LDB2: variants seen among roughly 807,000 people sequenced by gnomAD.
LDB2 encodes the protein LIM domain binding 2, also known as LIM domain-binding protein 2.
LDB2 carries 12 observed loss-of-function variants against 44.3 expected under a neutral mutation model. That is an observed-to-expected ratio of 0.27 (90% CI 0.17 to 0.44). The LOEUF (loss-of-function observed/expected upper bound fraction) is 0.44. Ranked by LOEUF, LDB2 falls within the 20% of genes least tolerant of loss-of-function variation. The pLI, the probability that LDB2 is intolerant of heterozygous loss-of-function variation, is 1.00. For synonymous variants in LDB2, 164 were observed against 174.8 expected, an observed-to-expected ratio of 0.94 and a Z score of 0.49; for missense variants, 344 against 473.5, an observed-to-expected ratio of 0.73 and a Z score of 2.54.
At chr4:16,553,993 T>C (rs190737425) in intron 5 of LDB2, among the ~76,000 whole-genome samples, 3 of 151,858 alleles carry the variant, frequency 2.0e-5, no homozygotes, top group African/African-American at 4.8e-5. Context: ...ATCCATCCTC[T>C]AGATCTCTCT....
chr4:16,716,203 A>G (rs935258805), intron 2 of LDB2, among the ~76,000 whole-genome samples: 1 of 152,190 alleles, frequency 6.6e-6, no homozygotes, highest in African/African-American at 2.4e-5. Flanking sequence ...TTAAGCTTTC[A>G]AAGAGGAATA....
At chr4:16,610,076 G>A (rs1049842320) in intron 2 of LDB2, among the ~76,000 whole-genome samples, 4 of 151,954 alleles carry the variant, frequency 2.6e-5, no homozygotes, top group African/African-American at 7.2e-5. Flanking sequence ...AATATGGCCT[G>A]AAGTGAACCT....
rs147803205 is a variant in LDB2 at position 16,833,064 on chromosome 4, A to T, written c.132+65290T>A. 2.0e-3 allele frequency among the ~76,000 whole-genome samples: 305 copies of T among 152,352 alleles called. 5 individuals carry two copies. In the East Asian group the frequency reaches 0.035, roughly 17 times the overall value. On this transcript the variant is annotated intron_variant, in intron 1 of 7. Coordinates refer to ENST00000304523, the MANE Select transcript of LDB2 (RefSeq NM_001290.5). ...ATGCTCCACTGTTGGACAAAAATAA[A>T]TATTTATTCACTTAAAAAACACACT...
chr4:16,796,240 G>A (rs1479344919), intron 1 of LDB2, among the ~76,000 whole-genome samples: 2 of 152,080 alleles, frequency 1.3e-5, no homozygotes, highest in African/African-American at 4.8e-5. Flanking sequence ...AGCCAAGATC[G>A]TGCCCCTGCA....
chr4:16,676,146 G>T (rs1037877192), intron 2 of LDB2, among the ~76,000 whole-genome samples: 3 of 152,198 alleles, frequency 2.0e-5, no homozygotes, highest in African/African-American at 7.2e-5. Flanking sequence ...TGGAGGAGAG[G>T]TTGTGTGTGT....
At chr4:16,590,481 ACAC>A (rs1428636537) in intron 3 of LDB2, among the ~76,000 whole-genome samples, 7 of 152,204 alleles carry the variant, frequency 4.6e-5, no homozygotes, top group Non-Finnish European at 8.8e-5. Flanking sequence ...GTAACACAAA[ACAC>A]CACCACTTAC....
intron 5 of LDB2, among the ~76,000 whole-genome samples, chr4:16,527,963 T>C (rs1383353448): frequency 6.6e-6 from 1 of 150,442 alleles, no homozygotes; most frequent in East Asian, 1.9e-4. Flanking sequence ...GGAGGAAAAG[T>C]GAAAAAAAAG....
chr4:16,644,894 C>G (rs1409244628), intron 2 of LDB2, among the ~76,000 whole-genome samples: 1 of 152,178 alleles, frequency 6.6e-6, no homozygotes, highest in Non-Finnish European at 1.5e-5. Flanking sequence ...TTTCCCTCTT[C>G]CACTCTCATC....
chr4:16,654,115 A>C (rs563923610), intron 2 of LDB2, among the ~76,000 whole-genome samples: 1 of 152,358 alleles, frequency 6.6e-6, no homozygotes, highest in East Asian at 1.9e-4. Context: ...ATATCGGTGC[A>C]AAGGACTTGC....
intron 6 of LDB2, among the ~76,000 whole-genome samples, chr4:16,509,941 C>A (rs1195339715): frequency 3.9e-5 from 6 of 152,082 alleles, no homozygotes. Context: ...CATGGTGAAC[C>A]CCATCTGTAC....
At chr4:16,682,791 C>T (rs1160510464) in intron 2 of LDB2, among the ~76,000 whole-genome samples, 1 of 152,212 alleles carries the variant, frequency 6.6e-6, no homozygotes, top group East Asian at 1.9e-4. Flanking sequence ...CCAAAGGTAA[C>T]ATTTCAGACT....
chr4:16,898,324 C>A, intron 1 of LDB2, 30 bp downstream of exon 1: 1 of 1,602,012 alleles, frequency 6.2e-7, no homozygotes, highest in Non-Finnish European at 8.5e-7. Flanking sequence ...CAAAAATACA[C>A]AAACACATCC....
intron 2 of LDB2, among the ~76,000 whole-genome samples, chr4:16,723,847 A>C (rs921068531): frequency 6.6e-6 from 1 of 152,062 alleles, no homozygotes; most frequent in Non-Finnish European, 1.5e-5. Flanking sequence ...CTACAGTAAG[A>C]ATCAACACCC....
chr4:16,850,994 T>A (rs1449026492), intron 1 of LDB2, among the ~76,000 whole-genome samples: 1 of 110,614 alleles, frequency 9.0e-6, no homozygotes, highest in Non-Finnish European at 1.9e-5. Context: ...GAGTGGGAGA[T>A]GACACCCAGG....
intron 1 of LDB2, among the ~76,000 whole-genome samples, chr4:16,893,729 A>C (rs1338666339): frequency 2.0e-5 from 3 of 152,172 alleles, no homozygotes; most frequent in Admixed American, 2.0e-4. Flanking sequence ...GATAAAAGAA[A>C]AAAACCTCAA....
intron 2 of LDB2, among the ~76,000 whole-genome samples, chr4:16,644,429 CTT>C (rs1182465425): frequency 1.2e-4 from 17 of 139,042 alleles, no homozygotes; most frequent in East Asian, 2.1e-4. Context: ...ATTTTTTTTT[CTT>C]TTTTTTTTTT....
intron 5 of LDB2, among the ~76,000 whole-genome samples, chr4:16,555,273 C>T (rs543543999): frequency 1.3e-5 from 2 of 152,132 alleles, no homozygotes; most frequent in African/African-American, 2.4e-5. Context: ...AAACGTTGTT[C>T]TAAACCAAAA....
At chr4:16,570,332 G>T (rs375632414) in intron 5 of LDB2, among the ~76,000 whole-genome samples, 1 of 150,574 alleles carries the variant, frequency 6.6e-6, no homozygotes, top group Non-Finnish European at 1.5e-5. Flanking sequence ...GTGTGGTGGC[G>T]GGCACCTGTA....
At chr4:16,767,708 T>G (rs1769671263) in intron 1 of LDB2, among the ~76,000 whole-genome samples, 1 of 152,198 alleles carries the variant, frequency 6.6e-6, no homozygotes, top group South Asian at 2.1e-4. Flanking sequence ...ACAGGGGAAG[T>G]GGTTGTTGAC....
Sources: gnomAD v4.1 joint callset for allele counts (sites outside exome capture counted in the v4.1 genomes callset) on GRCh38, gnomAD v4.1.1 for gene constraint, MANE v1.5 for transcripts, NCBI Gene and HGNC (gene_info 2026-07-23, HGNC 2026-07-21) for gene names.